Variants in MICU1 observed in about 807,000 individuals in gnomAD.
MICU1 encodes calcium uptake protein 1, mitochondrial.
In MICU1, 45 loss-of-function variants were observed where a neutral mutation model predicts 56.8. The ratio of observed to expected loss-of-function variants is 0.79; its 90% CI spans 0.62 to 1.02. MICU1 has a LOEUF of 1.02. MICU1 is among the 50% of genes least tolerant of loss of function. The pLI is 0.00. For synonymous variants in MICU1, 186 were observed against 195.1 expected (o/e 0.95, Z 0.39); for missense variants, 504 against 587.1 (o/e 0.86, Z 1.46).
chr10:72,442,325 G>A (rs976371875), intron 8 of MICU1, among the ~76,000 whole-genome samples: 1 of 151,778 alleles, frequency 6.6e-6, no homozygotes, highest in Non-Finnish European at 1.5e-5. Context: ...GTATTTTTTA[G>A]TAGAGATAGG....
chr10:72,509,484 G>A (rs1336650633), intron 5 of MICU1: 6 of 1,107,602 alleles, frequency 5.4e-6, no homozygotes, highest in East Asian at 1.1e-4. Flanking sequence ...ACGAATCATC[G>A]TGAAGTCAGT....
At chr10:72,503,223 T>C (rs1867135525) in intron 6 of MICU1, among the ~76,000 whole-genome samples, 1 of 152,144 alleles carries the variant, frequency 6.6e-6, no homozygotes, top group Admixed American at 6.5e-5. Context: ...ATAGAAAAAG[T>C]ATTTGAAGAA....
chr10:72,384,378 T>C (rs1379254628), intron 10 of MICU1, among the ~76,000 whole-genome samples: 1 of 152,140 alleles, frequency 6.6e-6, no homozygotes, highest in Non-Finnish European at 1.5e-5. Flanking sequence ...TAATAAATAC[T>C]CCCTCTACAC....
intron 2 of MICU1, among the ~76,000 whole-genome samples, chr10:72,566,039 C>CTTTTTTTTT (rs11376019): frequency 1.4e-4 from 10 of 69,826 alleles, no homozygotes; most frequent in Admixed American, 2.1e-4. Flanking sequence ...CATTCATTTT[C>CTTTTTTTTT]TTTTTTTTTT....
intron 5 of MICU1, among the ~76,000 whole-genome samples, chr10:72,523,539 T>C (rs1472305270): frequency 1.3e-5 from 2 of 152,150 alleles, no homozygotes; most frequent in African/African-American, 4.8e-5. Flanking sequence ...ACCCCATTTT[T>C]CAAACAAAGG....
intron 5 of MICU1, among the ~76,000 whole-genome samples, chr10:72,521,173 G>GA (rs1482811038): frequency 6.6e-6 from 1 of 151,780 alleles, no homozygotes; most frequent in Non-Finnish European, 1.5e-5. Context: ...CTTTCACTTG[G>GA]AAAAAAATTT....
intron 10 of MICU1, among the ~76,000 whole-genome samples, chr10:72,386,478 G>A (rs899365115): frequency 5.9e-5 from 9 of 151,950 alleles, no homozygotes; most frequent in African/African-American, 1.9e-4. Flanking sequence ...CACTGTGCCC[G>A]GACAAGGGAC....
chr10:72,523,295 T>C (rs1349374122), intron 5 of MICU1, among the ~76,000 whole-genome samples: 1 of 152,184 alleles, frequency 6.6e-6, no homozygotes, highest in Non-Finnish European at 1.5e-5. Flanking sequence ...TCTCATCTGA[T>C]CTATTCGGTA....
intron 1 of MICU1, among the ~76,000 whole-genome samples, chr10:72,614,518 C>T (rs1841931747): frequency 6.6e-6 from 1 of 152,184 alleles, no homozygotes; most frequent in African/African-American, 2.4e-5. Context: ...CACATACATA[C>T]AAGGAATATT....
chr10:72,482,826 T>A (rs988512875), intron 6 of MICU1, among the ~76,000 whole-genome samples: 1 of 98,724 alleles, frequency 1.0e-5, no homozygotes, highest in African/African-American at 4.0e-5. Flanking sequence ...AAATGCACTA[T>A]ATATATATAC....
At chr10:72,591,975 A>T (rs1280476273) in intron 1 of MICU1, among the ~76,000 whole-genome samples, 1 of 149,438 alleles carries the variant, frequency 6.7e-6, no homozygotes, top group Non-Finnish European at 1.5e-5. Flanking sequence ...TCAACACTGG[A>T]CTCCAGCCTG....
intron 1 of MICU1, among the ~76,000 whole-genome samples, chr10:72,571,544 A>G (rs961872138): frequency 1.3e-5 from 2 of 152,190 alleles, no homozygotes; most frequent in African/African-American, 2.4e-5. Flanking sequence ...GAAGCCACTC[A>G]AGTTCTTTAA....
chr10:72,569,912 A>AT (rs370862302), intron 1 of MICU1, among the ~76,000 whole-genome samples: 94 of 151,908 alleles, frequency 6.2e-4, no homozygotes, highest in African/African-American at 2.2e-3. Flanking sequence ...GCCCCCTTTG[A>AT]TTTTTCTCAA....
chr10:72,371,065 A>G (rs1862316950), intron 11 of MICU1, among the ~76,000 whole-genome samples: 1 of 150,870 alleles, frequency 6.6e-6, no homozygotes, highest in Non-Finnish European at 1.5e-5. Context: ...CATATATTAT[A>G]TTGCAATATA....
At chr10:72,433,858 TATCA>T (rs1224208752) in intron 8 of MICU1, among the ~76,000 whole-genome samples, 1 of 152,242 alleles carries the variant, frequency 6.6e-6, no homozygotes, top group Non-Finnish European at 1.5e-5. Flanking sequence ...TATTCCTCAA[TATCA>T]ATCAATGACG....
chr10:72,530,215 C>T (rs570519221), intron 5 of MICU1, among the ~76,000 whole-genome samples: 50 of 151,208 alleles, frequency 3.3e-4, no homozygotes, highest in Non-Finnish European at 6.0e-4. Context: ...CCTGTAATCC[C>T]AGCTACTCAG....
chr10:72,459,383 T>C (rs1372533925), intron 8 of MICU1, among the ~76,000 whole-genome samples: 1 of 152,148 alleles, frequency 6.6e-6, no homozygotes, highest in Non-Finnish European at 1.5e-5. Context: ...TTATTGTATA[T>C]TGATTAGTTT....
chr10:72,547,861 C>T (rs1301988927), intron 4 of MICU1, among the ~76,000 whole-genome samples: 1 of 152,116 alleles, frequency 6.6e-6, no homozygotes, highest in Non-Finnish European at 1.5e-5. Context: ...TGAAACAGGT[C>T]AGCAGAAAAA....
At chr10:72,578,561 G>A (rs1840812906) in intron 1 of MICU1, among the ~76,000 whole-genome samples, 2 of 151,420 alleles carry the variant, frequency 1.3e-5, no homozygotes, top group African/African-American at 4.9e-5. Flanking sequence ...CACCATGCCT[G>A]GCCCAATAAA....
Sources: gnomAD v4.1 joint callset for allele counts (sites outside exome capture counted in the v4.1 genomes callset) on GRCh38, gnomAD v4.1.1 for gene constraint, MANE v1.5 for transcripts, NCBI Gene and HGNC (gene_info 2026-07-23, HGNC 2026-07-21) for gene names.